The following CA5A variants were observed in gnomAD, a reference collection of about 807,000 sequenced individuals.
CA5A encodes carbonic anhydrase 5A, mitochondrial.
In CA5A, 28 loss-of-function variants were observed where a neutral mutation model predicts 37.1. The ratio of observed to expected loss-of-function variants is 0.75; its 90% CI spans 0.56 to 1.03. The LOEUF is 1.03. Among genes scored for constraint, CA5A ranks in the 50% least tolerant of loss-of-function variants. The pLI, the probability that CA5A is intolerant of heterozygous loss-of-function variation, is 0.00. For missense variants in CA5A, 444 were observed against 399.9 expected (o/e 1.11, Z -0.94); for synonymous variants, 171 against 158.4 (o/e 1.08, Z -0.60).
intron 1 of CA5A, among the ~76,000 whole-genome samples, chr16:87,929,445 C>T (rs1395866433): frequency 8.0e-6 from 1 of 124,458 alleles, no homozygotes; most frequent in Non-Finnish European, 1.6e-5. Flanking sequence ...AGAGCAAATT[C>T]GGTCTCAAAA....
intron 6 of CA5A, 40 bp downstream of exon 6, chr16:87,891,759 T>A (rs774865803): frequency 2.1e-6 from 3 of 1,450,400 alleles, no homozygotes; most frequent in Non-Finnish European, 1.8e-6. Flanking sequence ...AGGGACGCCT[T>A]CCATGAAGCG....
intron 2 of CA5A, among the ~76,000 whole-genome samples, chr16:87,913,980 C>T (rs1319386131): frequency 6.6e-6 from 1 of 152,228 alleles, no homozygotes; most frequent in Non-Finnish European, 1.5e-5. Context: ...GCAGCGCGTT[C>T]ATCCACTGTG....
chr16:87,889,387 G>C (rs1222404120), intron 6 of CA5A, among the ~76,000 whole-genome samples: 8 of 152,112 alleles, frequency 5.3e-5, no homozygotes, highest in Non-Finnish European at 1.2e-4. Context: ...CTATGTTTTG[G>C]AGCTATTTGT....
At chr16:87,931,905 G>A (rs2056411414) in intron 1 of CA5A, among the ~76,000 whole-genome samples, 1 of 150,952 alleles carries the variant, frequency 6.6e-6, no homozygotes, top group Non-Finnish European at 1.5e-5. Context: ...AATTCAGAAC[G>A]ACACCAGCAG....
chr16:87,918,913 C>A (rs897220579), intron 2 of CA5A, among the ~76,000 whole-genome samples: 2 of 152,020 alleles, frequency 1.3e-5, no homozygotes, highest in African/African-American at 2.4e-5. Context: ...GGGAGGGGAC[C>A]GGGAGCACGT....
At chr16:87,892,056 G>T in intron 5 of CA5A, 102 bp from the exon 6 acceptor site, 3 of 1,137,678 alleles carry the variant, frequency 2.6e-6, no homozygotes, top group Admixed American at 3.6e-5. Context: ...GGAAGGAAGT[G>T]CTTTCCCCCA....
chr16:87,891,344 T>A (rs1220248836), intron 6 of CA5A, among the ~76,000 whole-genome samples: 3 of 151,466 alleles, frequency 2.0e-5, no homozygotes, highest in African/African-American at 7.3e-5. Flanking sequence ...GATGGGTGCC[T>A]GTAATCCCAG....
At chr16:87,926,333 C>A (rs1203604802) in intron 2 of CA5A, among the ~76,000 whole-genome samples, 3 of 152,240 alleles carry the variant, frequency 2.0e-5, no homozygotes, top group Non-Finnish European at 4.4e-5. Context: ...GACCCAACTT[C>A]CTTGCAGGCC....
rs764182711 is a variant in CA5A, at chr16:87,926,924, G to A, written c.164C>T (p.Pro55Leu). ...CCGGGTGCCCCCTGGCACGGAGACC[G>A]GGACCGTCCAGAGTGGGTGCACTGC... Reference protein sequence around the residue: ...NNTLHPLWTVPVSVPGGTRQS... With the variant: ...NNTLHPLWTVLVSVPGGTRQS... Residue 55 changes from proline (P) to leucine (L), a missense_variant, in exon 2 of 7, where the codon CCG (proline) becomes CTG (leucine). Transcript: ENST00000649794. 7.4e-5 allele frequency: 118 copies of A among 1,588,666 alleles called. No homozygotes were observed. The highest frequency in any genetic ancestry group is 9.0e-5 in the Non-Finnish European group (105 of 1,166,422).
At chr16:87,932,229 G>C (rs1243862636) in intron 1 of CA5A, among the ~76,000 whole-genome samples, 1 of 152,096 alleles carries the variant, frequency 6.6e-6, no homozygotes, top group Non-Finnish European at 1.5e-5. Flanking sequence ...CCTACCTGCC[G>C]GGCAAGGGGC....
intron 5 of CA5A, among the ~76,000 whole-genome samples, chr16:87,894,843 C>A (rs1407934577): frequency 6.6e-6 from 1 of 151,156 alleles, no homozygotes; most frequent in Non-Finnish European, 1.5e-5. Flanking sequence ...GGCACCATTG[C>A]ACTCCAGCCT....
At chr16:87,899,147 T>C (rs1467158643) in intron 5 of CA5A, among the ~76,000 whole-genome samples, 5 of 152,070 alleles carry the variant, frequency 3.3e-5, no homozygotes, top group African/African-American at 1.2e-4. Flanking sequence ...ACTGTGGGGC[T>C]CTCTGATACA....
chr16:87,886,144 T>TTTG (rs2055646089), downstream of CA5A: 1 of 68,462 alleles, frequency 1.5e-5, no homozygotes, highest in Non-Finnish European at 3.1e-5. Flanking sequence ...CTGGATCAAG[T>TTTG]TTTTTTTTTT....
At chr16:87,904,317 G>C (rs1239780498) in intron 3 of CA5A, among the ~76,000 whole-genome samples, 1 of 151,610 alleles carries the variant, frequency 6.6e-6, no homozygotes, top group African/African-American at 2.4e-5. Flanking sequence ...ACTCCAGTCT[G>C]GGTGACAGAG....
chr16:87,923,427 A>G, intron 2 of CA5A: 2 of 401,828 alleles, frequency 5.0e-6, no homozygotes, highest in Non-Finnish European at 6.7e-6. Flanking sequence ...ACCTCAGGTG[A>G]TCCACCCACC....
chr16:87,933,594 G>A (rs1283106995), intron 1 of CA5A, among the ~76,000 whole-genome samples: 1 of 151,560 alleles, frequency 6.6e-6, no homozygotes, highest in Non-Finnish European at 1.5e-5. Flanking sequence ...TGTTGCCCAG[G>A]CTGATCTTGA....
At chr16:87,920,533 C>G (rs1179144053) in intron 2 of CA5A, among the ~76,000 whole-genome samples, 3 of 152,096 alleles carry the variant, frequency 2.0e-5, no homozygotes, top group Non-Finnish European at 4.4e-5. Context: ...TGGTCTGGAA[C>G]TCCTGACCTC....
intron 1 of CA5A, among the ~76,000 whole-genome samples, chr16:87,932,831 C>T (rs2056425653): frequency 6.6e-6 from 1 of 152,192 alleles, no homozygotes; most frequent in Non-Finnish European, 1.5e-5. Flanking sequence ...ATTCCTTCCC[C>T]CTTGACCTCC....
chr16:87,924,288 A>T, intron 2 of CA5A: 1 of 985,470 alleles, frequency 1.0e-6, no homozygotes. Flanking sequence ...AGCCTGATGA[A>T]GCAACCGTGA....
Sources: allele counts gnomAD v4.1 joint callset (sites outside exome capture counted in the v4.1 genomes callset), GRCh38; gene constraint gnomAD v4.1.1; transcripts MANE v1.5; gene names NCBI Gene and HGNC (gene_info 2026-07-23, HGNC 2026-07-21).